MYLK: variants seen among roughly 807,000 people sequenced by gnomAD.
MYLK encodes the protein myosin light chain kinase, also known as myosin light chain kinase, smooth muscle.
MYLK carries 106 observed loss-of-function variants against 203.4 expected under a neutral mutation model. That is an observed-to-expected ratio of 0.52 (90% confidence interval 0.45 to 0.61). The LOEUF is 0.61. Among genes scored for constraint, MYLK ranks in the 20% least tolerant of loss-of-function variants. The pLI is 0.00. For synonymous variants in MYLK, 867 were observed against 959.5 expected, an observed-to-expected ratio of 0.90 and a Z score of 1.78; for missense variants, 2,072 against 2,442.3, an observed-to-expected ratio of 0.85 and a Z score of 3.20.
At chr3:123,630,452 C>G (rs2058364772) in intron 29 of MYLK, 1 of 152,242 alleles carries the variant, frequency 6.6e-6, no homozygotes, top group African/African-American at 2.4e-5. Context: ...TTAATCTTAA[C>G]ACTGCCCTAT....
At chr3:123,671,651 A>G (rs577653771) in intron 20 of MYLK, among the ~76,000 whole-genome samples, 1 of 152,260 alleles carries the variant, frequency 6.6e-6, no homozygotes, top group East Asian at 1.9e-4. Context: ...AGGATCCTGG[A>G]GGTGAAAGGA....
intron 17 of MYLK, 34 bp downstream of exon 17, chr3:123,701,404 A>G: frequency 6.2e-7 from 1 of 1,610,144 alleles, no homozygotes; most frequent in Non-Finnish European, 8.5e-7. Flanking sequence ...GGATGGGGGC[A>G]TGGCCTGGAG....
intron 19 of MYLK, among the ~76,000 whole-genome samples, chr3:123,683,216 TGA>T (rs1364558718): frequency 7.1e-6 from 1 of 141,548 alleles, no homozygotes; most frequent in African/African-American, 2.7e-5. Context: ...GGGACGGCGC[TGA>T]GAGAGTCTCC....
intron 5 of MYLK, among the ~76,000 whole-genome samples, chr3:123,750,056 C>T (rs987060829): frequency 2.6e-5 from 4 of 152,210 alleles, no homozygotes; most frequent in Non-Finnish European, 5.9e-5. Context: ...CAGAAGGGCC[C>T]AGAGTGGACT....
At chr3:123,706,470 G>T (rs766449917) in intron 16 of MYLK, among the ~76,000 whole-genome samples, 1 of 152,080 alleles carries the variant, frequency 6.6e-6, no homozygotes, top group African/African-American at 2.4e-5. Context: ...TCAGGCACCC[G>T]GGCCAGGACA....
chr3:123,732,518 A>G (rs1450616891), intron 11 of MYLK, among the ~76,000 whole-genome samples: 1 of 152,236 alleles, frequency 6.6e-6, no homozygotes, highest in Admixed American at 6.5e-5. Context: ...TACAATAAAC[A>G]TAAAAGATGT....
At chr3:123,694,963 G>A (rs774337489) in intron 18 of MYLK, among the ~76,000 whole-genome samples, 5 of 152,238 alleles carry the variant, frequency 3.3e-5, no homozygotes, top group Non-Finnish European at 7.3e-5. Flanking sequence ...TTCTGAGAGG[G>A]AGATGAGGGG....
chr3:123,801,317 ACTCT>A (rs1417916712), intron 3 of MYLK, among the ~76,000 whole-genome samples: 9 of 152,004 alleles, frequency 5.9e-5, no homozygotes, highest in Non-Finnish European at 1.2e-4. Flanking sequence ...CTATCTCCCT[ACTCT>A]CTCTGTTACC....
At chr3:123,767,374 A>G (rs1659625753) in intron 4 of MYLK, among the ~76,000 whole-genome samples, 1 of 152,208 alleles carries the variant, frequency 6.6e-6, no homozygotes, top group African/African-American at 2.4e-5. Context: ...TGGGAGGCCG[A>G]GGTTGGCAGA....
intron 29 of MYLK, among the ~76,000 whole-genome samples, chr3:123,631,678 T>C (rs1474537082): frequency 6.6e-6 from 1 of 152,116 alleles, no homozygotes; most frequent in Non-Finnish European, 1.5e-5. Context: ...ATCAACATAT[T>C]TGTGTTTCTG....
intron 3 of MYLK, among the ~76,000 whole-genome samples, chr3:123,823,463 G>A (rs575875495): frequency 2.6e-5 from 4 of 152,130 alleles, no homozygotes; most frequent in Non-Finnish European, 4.4e-5. Flanking sequence ...AAGTGCTCAG[G>A]CCCAGAATTC....
At chr3:123,672,694 T>G (rs1453386110) in intron 20 of MYLK, among the ~76,000 whole-genome samples, 2 of 152,270 alleles carry the variant, frequency 1.3e-5, no homozygotes, top group Non-Finnish European at 2.9e-5. Context: ...CAAATTTTTA[T>G]GTTTGTTCTG....
intron 11 of MYLK, 124 bp from the exon 12 acceptor site, chr3:123,726,202 C>T: frequency 4.7e-6 from 6 of 1,264,516 alleles, no homozygotes; most frequent in Non-Finnish European, 6.7e-6. Context: ...CGGCAGCCTG[C>T]CTTTGGCTTC....
chr3:123,801,757 T>C lies in MYLK; in HGVS notation c.-3-7913A>G, dbSNP rs565003879. On this transcript the variant is annotated intron_variant, in intron 3 of 33. Coordinates refer to ENST00000360304, the MANE Select transcript of MYLK (RefSeq NM_053025.4). Reference sequence around the variant, plus strand: ...CCCATGTTGCTGCAAAGGACATGATTTCATTCTTTTTTATGGCTGCATAAT... The same window carrying C: ...CCCATGTTGCTGCAAAGGACATGATCTCATTCTTTTTTATGGCTGCATAAT... Among the ~76,000 whole-genome samples the C allele has an allele frequency of 3.2e-4, 49 of 152,306 alleles. No homozygotes were observed. In the South Asian group the frequency reaches 5.6e-3, roughly 17 times the overall value.
intron 14 of MYLK, 47 bp from the exon 15 acceptor site, chr3:123,708,942 C>A: frequency 6.4e-7 from 1 of 1,552,484 alleles, no homozygotes; most frequent in Non-Finnish European, 8.9e-7. Flanking sequence ...AGGTCCTCCC[C>A]GGCCATGCAG....
chr3:123,849,536 A>G (rs1039029646), intron 2 of MYLK, among the ~76,000 whole-genome samples: 6 of 152,148 alleles, frequency 3.9e-5, no homozygotes, highest in African/African-American at 1.2e-4. Context: ...CCATAAGAAA[A>G]ATTATAACAT....
intron 20 of MYLK, among the ~76,000 whole-genome samples, chr3:123,675,777 TC>T (rs2060053588): frequency 6.6e-6 from 1 of 152,116 alleles, no homozygotes; most frequent in East Asian, 1.9e-4. Context: ...TGAGGCTGTA[TC>T]GGAGCAGGAA....
At chr3:123,630,915 T>A (rs949535993) in intron 29 of MYLK, 4 of 142,240 alleles carry the variant, frequency 2.8e-5, no homozygotes, top group Non-Finnish European at 5.9e-5. Flanking sequence ...GAGGGCCTTG[T>A]GAGTCAGCCT....
intron 3 of MYLK, among the ~76,000 whole-genome samples, chr3:123,811,679 A>G (rs1386977554): frequency 1.3e-5 from 2 of 152,106 alleles, no homozygotes; most frequent in African/African-American, 2.4e-5. Flanking sequence ...GCCAACAGTA[A>G]CAAGATTGGT....
Sources: gnomAD v4.1 joint callset for allele counts (sites outside exome capture counted in the v4.1 genomes callset) on GRCh38, gnomAD v4.1.1 for gene constraint, MANE v1.5 for transcripts, NCBI Gene and HGNC (gene_info 2026-07-23, HGNC 2026-07-21) for gene names.